Variants in DTX1 observed in about 807,000 individuals in gnomAD.
The protein encoded by DTX1 is deltex E3 ubiquitin ligase 1.
DTX1 carries 26 observed loss-of-function variants against 57.8 expected under a neutral mutation model. The ratio of observed to expected loss-of-function variants is 0.45; its 90% CI spans 0.33 to 0.62. The LOEUF is 0.62. Ranked by LOEUF, DTX1 falls within the 20% of genes least tolerant of loss-of-function variation. The pLI is 0.02. For missense variants in DTX1, 704 were observed against 895.3 expected, an observed-to-expected ratio of 0.79 and a Z score of 2.73; for synonymous variants, 398 against 394.1, an observed-to-expected ratio of 1.01 and a Z score of -0.12.
chr12:113,074,679 G>T (rs1592846740), intron 2 of DTX1, among the ~76,000 whole-genome samples: 1 of 152,220 alleles, frequency 6.6e-6, no homozygotes, highest in African/African-American at 2.4e-5. Flanking sequence ...TATGGGAAAT[G>T]GATTACAGAG....
chr12:113,094,352 T>G (rs1163728017), intron 6 of DTX1, among the ~76,000 whole-genome samples: 2 of 152,248 alleles, frequency 1.3e-5, no homozygotes, highest in Non-Finnish European at 2.9e-5. Flanking sequence ...TTTTGATAGT[T>G]AAGCCCTTAA....
chr12:113,079,766 C>G (rs7976615), intron 3 of DTX1, among the ~76,000 whole-genome samples: 12,492 of 147,846 alleles, frequency 0.084, 1,406 homozygotes, highest in African/African-American at 0.26. Flanking sequence ...ACCATGTTTC[C>G]CAGGCTTGTC....
chr12:113,066,230 G>A (rs1023309591), intron 2 of DTX1, among the ~76,000 whole-genome samples: 45 of 152,156 alleles, frequency 3.0e-4, no homozygotes, highest in African/African-American at 1.1e-3. Flanking sequence ...TGCTTACTAA[G>A]AATCATGGGG....
intron 2 of DTX1, among the ~76,000 whole-genome samples, chr12:113,067,507 C>T (rs772262066): frequency 1.3e-5 from 2 of 152,192 alleles, no homozygotes; most frequent in African/African-American, 2.4e-5. Flanking sequence ...GCTTACAGGG[C>T]CTGGGCAACT....
At chr12:113,067,190 C>G (rs1338095336) in intron 2 of DTX1, among the ~76,000 whole-genome samples, 1 of 151,904 alleles carries the variant, frequency 6.6e-6, no homozygotes, top group Non-Finnish European at 1.5e-5. Flanking sequence ...TCCCGATGAC[C>G]GACTGGGCCT....
At chr12:113,095,516 C>A in intron 9 of DTX1, 102 bp downstream of exon 9, 1 of 1,439,590 alleles carries the variant, frequency 6.9e-7, no homozygotes. Flanking sequence ...TCCCTGCTCT[C>A]ACATTCCTCC....
chr12:113,090,522 C>G (rs1288834674), intron 3 of DTX1, among the ~76,000 whole-genome samples: 1 of 152,196 alleles, frequency 6.6e-6, no homozygotes, highest in Non-Finnish European at 1.5e-5. Flanking sequence ...ATCCCCATTA[C>G]AGGTGGGGAA....
At position 113,077,329 on chromosome 12, in the gene DTX1, A is replaced by AACAAC; in HGVS notation, c.260-95_260-94insACAAC. The AACAAC allele has an allele frequency of 7.2e-7, 1 of 1,389,366 alleles. No individual in the cohort carries two copies. The highest frequency in any genetic ancestry group is 9.5e-7 in the Non-Finnish European group (1 of 1,053,688). The allele number at this position is 1,389,366 out of a possible 1,614,324, so 86.1% of individuals were successfully genotyped here. A position where few individuals can be genotyped will look rare whatever the true frequency, so the allele number is the denominator to read the frequency against. ...CCTGGAGGCCTGTGCTGACCCCCCA[A>AACAAC]CCTCCCGCCCACCCTTGCCTGGCTG... On this transcript the variant is annotated intron_variant, in intron 2 of 9. Transcript: ENST00000548759. The surrounding 1 kb of genome is among the most constrained non-coding windows in gnomAD (Gnocchi z 7.8).
intron 2 of DTX1, among the ~76,000 whole-genome samples, chr12:113,063,035 A>G (rs1309630936): frequency 1.3e-5 from 2 of 152,234 alleles, no homozygotes. Context: ...AGGGAGAGTC[A>G]GAGCTGGGCG....
intron 2 of DTX1, among the ~76,000 whole-genome samples, chr12:113,062,336 A>T (rs1441099127): frequency 2.6e-5 from 4 of 152,252 alleles, no homozygotes; most frequent in Non-Finnish European, 5.9e-5. Flanking sequence ...GCAGAAAAGC[A>T]GCATAGACAA....
rs1950259682 is a variant in DTX1 at position 113,093,157 on chromosome 12, C to T, written c.942-5C>T. 3 of 1,592,510 alleles carry T rather than the reference C, an allele frequency of 1.9e-6. No individual in the cohort carries two copies. Among genetic ancestry groups the T allele is most frequent in the South Asian group, 1.1e-5 (1 of 87,506 alleles). On this transcript the variant is annotated splice_polypyrimidine_tract_variant and splice_region_variant and intron_variant, in intron 3 of 9. Transcript: ENST00000548759. The surrounding 1 kb of genome is among the most constrained non-coding windows in gnomAD (Gnocchi z 4.2). ...CAGCTGCGGCCTCTTCTCTTCTCCC[C>T]GCAGGGTCCCCGCACTCCCGGTGAA...
chr12:113,087,460 G>A (rs899796650), intron 3 of DTX1, among the ~76,000 whole-genome samples: 2 of 152,096 alleles, frequency 1.3e-5, no homozygotes, highest in Admixed American at 1.3e-4. Flanking sequence ...GTGGCGGCAG[G>A]GACTTGGCCC....
At chr12:113,091,481 T>C (rs1950246667) in intron 3 of DTX1, among the ~76,000 whole-genome samples, 1 of 152,102 alleles carries the variant, frequency 6.6e-6, no homozygotes, top group Non-Finnish European at 1.5e-5. Context: ...CCCTGGGTTG[T>C]GTGTGTTTGT....
chr12:113,077,129 G>A lies in DTX1; in HGVS notation c.260-295G>A, dbSNP rs944721295. Reference sequence around the variant, plus strand: ...CCCCTACGCCCAATCTACTGACCACGCGCCCCTGCCCACCTCTCGCCCCAG... The same window carrying A: ...CCCCTACGCCCAATCTACTGACCACACGCCCCTGCCCACCTCTCGCCCCAG... On this transcript the variant is annotated intron_variant, in intron 2 of 9. Coordinates refer to ENST00000548759, the MANE Select transcript of DTX1 (RefSeq NM_004416.3). The surrounding 1 kb of genome is among the most constrained non-coding windows in gnomAD (Gnocchi z 7.8). Among the ~76,000 whole-genome samples the A allele has an allele frequency of 6.6e-6, 1 of 151,900 alleles. No homozygotes were observed. Among genetic ancestry groups the A allele is most frequent in the Non-Finnish European group, 1.5e-5 (1 of 67,972 alleles).
chr12:113,057,171 G>A (rs767969703), intron 1 of DTX1, among the ~76,000 whole-genome samples: 45 of 151,934 alleles, frequency 3.0e-4, no homozygotes, highest in Non-Finnish European at 5.2e-4. Flanking sequence ...CAGCGCACCC[G>A]GCATCCCCCC....
intron 2 of DTX1, among the ~76,000 whole-genome samples, chr12:113,067,736 A>G (rs1177449318): frequency 1.3e-5 from 2 of 152,166 alleles, no homozygotes; most frequent in African/African-American, 2.4e-5. Context: ...ATCTGCCCCA[A>G]TTTTTAAATG....
intron 3 of DTX1, among the ~76,000 whole-genome samples, chr12:113,083,573 AC>A (rs1322016046): frequency 1.3e-5 from 2 of 152,060 alleles, no homozygotes; most frequent in Non-Finnish European, 2.9e-5. Flanking sequence ...TGATCCACCC[AC>A]CTCGGCCTCC....
intron 3 of DTX1, among the ~76,000 whole-genome samples, chr12:113,079,309 G>T (rs2136060209): frequency 6.6e-6 from 1 of 152,188 alleles, no homozygotes; most frequent in Non-Finnish European, 1.5e-5. Context: ...CATGGCCGGG[G>T]GAATTGATAA....
chr12:113,063,630 G>A (rs1450058180), intron 2 of DTX1, among the ~76,000 whole-genome samples: 2 of 152,244 alleles, frequency 1.3e-5, no homozygotes, highest in Non-Finnish European at 2.9e-5. Context: ...CCATACCCGA[G>A]GCTGCAAGCC....
Sources: gnomAD v4.1 joint callset for allele counts (sites outside exome capture counted in the v4.1 genomes callset) on GRCh38, gnomAD v4.1.1 for gene constraint, Gnocchi (gnomAD v3.1) non-coding constraint, MANE v1.5 for transcripts, NCBI Gene and HGNC (gene_info 2026-07-23, HGNC 2026-07-21) for gene names.